The following CSMD1 variants were observed in gnomAD, a reference collection of about 807,000 sequenced individuals.
The protein encoded by CSMD1 is CUB and sushi domain-containing protein 1.
A neutral mutation model predicts 417.5 loss-of-function variants in CSMD1; 213 were observed. That is an observed-to-expected ratio of 0.51 (90% CI 0.46 to 0.57). CSMD1 has a LOEUF of 0.57. Among genes scored for constraint, CSMD1 ranks in the 20% least tolerant of loss-of-function variants. The probability of loss-of-function intolerance (pLI) is 0.00; values close to 1 mark genes in which losing one functional copy is unlikely to be tolerated. For missense variants in CSMD1, 6,923 were observed against 4,529.7 expected (o/e 1.53, Z -15.17); for synonymous variants, 2,862 against 1,736.8 (o/e 1.65, Z -16.11).
intron 2 of CSMD1, among the ~76,000 whole-genome samples, chr8:4,569,958 G>A (rs1012159235): frequency 2.6e-5 from 4 of 152,200 alleles, no homozygotes; most frequent in Non-Finnish European, 5.9e-5. Flanking sequence ...TTGGTGTATA[G>A]GAATGCTTGT....
At chr8:4,320,090 T>C (rs1304561610) in intron 3 of CSMD1, among the ~76,000 whole-genome samples, 2 of 152,184 alleles carry the variant, frequency 1.3e-5, no homozygotes, top group Admixed American at 6.5e-5. Context: ...AAACATTACA[T>C]GTTCAAAAAA....
At chr8:3,739,114 A>T (rs1006101834) in intron 6 of CSMD1, among the ~76,000 whole-genome samples, 3 of 151,570 alleles carry the variant, frequency 2.0e-5, no homozygotes, top group Admixed American at 2.0e-4. Context: ...ATAAGTTTAC[A>T]TTTTATTTAG....
intron 1 of CSMD1, among the ~76,000 whole-genome samples, chr8:4,905,881 T>C (rs1365529576): frequency 6.6e-6 from 1 of 151,156 alleles, no homozygotes; most frequent in Non-Finnish European, 1.5e-5. Context: ...CTTAAAATTA[T>C]TATTCTCACA....
At chr8:3,924,038 A>G (rs997085275) in intron 5 of CSMD1, among the ~76,000 whole-genome samples, 2 of 152,192 alleles carry the variant, frequency 1.3e-5, no homozygotes. Flanking sequence ...CTTTCATTTC[A>G]ATTTGAAGGA....
intron 1 of CSMD1, among the ~76,000 whole-genome samples, chr8:4,743,842 C>A (rs1215957723): frequency 6.6e-6 from 1 of 152,262 alleles, no homozygotes; most frequent in Non-Finnish European, 1.5e-5. Flanking sequence ...AAGCTTCTTG[C>A]GGTCCACTTT....
chr8:4,763,060 T>C lies in CSMD1; in HGVS notation c.86-125502A>G, dbSNP rs73499915. Among the ~76,000 whole-genome samples the C allele has an allele frequency of 4.2e-3, 641 of 152,234 alleles. 7 individuals carry two copies. The highest frequency in any genetic ancestry group is 0.014 in the African/African-American group (594 of 41,544). ...TAGCAAGACTTCCAGGGTACAGCTG[T>C]AACATCCAGTGTCAAAAATTGTTGA... On this transcript the variant is annotated intron_variant, in intron 1 of 69. Transcript: ENST00000635120.
chr8:2,938,494 G>C lies in CSMD1; in HGVS notation c.*91C>G. On this transcript the variant is annotated 3_prime_UTR_variant, in exon 70 of 70. Transcript: ENST00000635120. ...TGAAGATCGCTGCAGTAAAGCCAGA[G>C]TGGAAGGGAGAGTGGTATATGGCAC... is the stretch of plus-strand genomic sequence containing the variant. 2.4e-6 allele frequency: 3 copies of C among 1,270,170 alleles called. No individual in the cohort carries two copies. The highest frequency in any genetic ancestry group is 2.4e-5 in the Admixed American group (1 of 42,118). 78.7% of individuals were successfully genotyped at this position (1,270,170 alleles called of 1,614,324 possible). A position where few individuals can be genotyped will look rare whatever the true frequency, so the allele number is the denominator to read the frequency against.
At chr8:4,166,837 A>G (rs1797485417) in intron 3 of CSMD1, among the ~76,000 whole-genome samples, 1 of 152,354 alleles carries the variant, frequency 6.6e-6, no homozygotes. Flanking sequence ...TTATCTTTTT[A>G]AAATTTAAAT....
intron 5 of CSMD1, among the ~76,000 whole-genome samples, chr8:3,766,252 C>G (rs1032404621): frequency 2.0e-5 from 3 of 152,198 alleles, no homozygotes; most frequent in African/African-American, 7.2e-5. Context: ...TCATGCCCCA[C>G]CTGGAAATCT....
chr8:3,966,665 G>T lies in CSMD1; in HGVS notation c.818+31238C>A, dbSNP rs571968703. On this transcript the variant is annotated intron_variant, in intron 5 of 69. Coordinates refer to ENST00000635120, the MANE Select transcript of CSMD1 (RefSeq NM_033225.6). ...TCTTTGAGGGCAAAGACCATGTGCT[G>T]TGTTTCATGCTATCTGCCACCACAG... 2.0e-5 allele frequency among the ~76,000 whole-genome samples: 3 copies of T among 152,096 alleles called. No individual in the cohort carries two copies. In the South Asian group the frequency reaches 6.2e-4, roughly 32 times the overall value.
intron 3 of CSMD1, among the ~76,000 whole-genome samples, chr8:4,196,210 C>A (rs899863163): frequency 6.6e-6 from 1 of 151,904 alleles, no homozygotes; most frequent in African/African-American, 2.4e-5. Context: ...GACTCCGTTT[C>A]AAAAATAAAT....
chr8:3,503,443 G>A (rs1018678138), intron 10 of CSMD1, among the ~76,000 whole-genome samples: 2 of 152,234 alleles, frequency 1.3e-5, no homozygotes, highest in Admixed American at 6.5e-5. Flanking sequence ...GCAGTGAAAA[G>A]CGCAATTCCT....
chr8:4,220,012 C>A (rs559342533), intron 3 of CSMD1, among the ~76,000 whole-genome samples: 3 of 152,056 alleles, frequency 2.0e-5, no homozygotes, highest in East Asian at 3.9e-4. Context: ...TGCAGTGGTG[C>A]GATCTAGGCT....
At chr8:3,465,707 G>T (rs542495142) in intron 12 of CSMD1, among the ~76,000 whole-genome samples, 8 of 152,282 alleles carry the variant, frequency 5.3e-5, no homozygotes, top group Non-Finnish European at 1.0e-4. Flanking sequence ...GGGTTGACAT[G>T]GGTGGCCTTT....
At chr8:2,970,196 A>G (rs1361703267) in intron 57 of CSMD1, among the ~76,000 whole-genome samples, 3 of 152,230 alleles carry the variant, frequency 2.0e-5, no homozygotes, top group East Asian at 1.9e-4. Context: ...TTGCTGGACT[A>G]GAACTCATAG....
chr8:4,046,764 A>G (rs1226190575), intron 3 of CSMD1, among the ~76,000 whole-genome samples: 2 of 152,210 alleles, frequency 1.3e-5, no homozygotes, highest in African/African-American at 2.4e-5. Context: ...ACACACACAC[A>G]TATTGTAATT....
At chr8:4,202,983 G>T (rs767140454) in intron 3 of CSMD1, among the ~76,000 whole-genome samples, 1 of 152,156 alleles carries the variant, frequency 6.6e-6, no homozygotes, top group African/African-American at 2.4e-5. Flanking sequence ...CTCCACCAAA[G>T]ATGTCTGCAT....
chr8:4,966,588 C>A (rs1449650499), intron 1 of CSMD1, among the ~76,000 whole-genome samples: 1 of 152,096 alleles, frequency 6.6e-6, no homozygotes, highest in African/African-American at 2.4e-5. Context: ...ATGCTAAATA[C>A]ATTTGTGATT....
At position 4,175,633 on chromosome 8, in the gene CSMD1, G is replaced by A. The variant is rs115561828; in HGVS notation, c.416-143534C>T. Among the ~76,000 whole-genome samples the A allele has an allele frequency of 1.4e-3, 213 of 152,116 alleles. 1 individual carries two copies. The highest frequency in any genetic ancestry group is 4.6e-3 in the African/African-American group (191 of 41,470). ...CAATTATCACAGCATAATTTGTGAT[G>A]GCAAAAACTTGAAGTCAGAACTATC... is the stretch of plus-strand genomic sequence containing the variant. On this transcript the variant is annotated intron_variant, in intron 3 of 69. Coordinates refer to ENST00000635120, the MANE Select transcript of CSMD1 (RefSeq NM_033225.6).
Sources: allele counts gnomAD v4.1 joint callset (sites outside exome capture counted in the v4.1 genomes callset), GRCh38; gene constraint gnomAD v4.1.1; transcripts MANE v1.5; gene names NCBI Gene and HGNC (gene_info 2026-07-23, HGNC 2026-07-21).